The following RBBP4 variants were observed in gnomAD, a reference collection of about 807,000 sequenced individuals.
The protein encoded by RBBP4 is RB binding protein 4, chromatin remodeling factor, also known as histone-binding protein RBBP4.
RBBP4 carries 3 observed loss-of-function variants against 57.2 expected under a neutral mutation model. That is an observed-to-expected ratio of 0.05 (90% CI 0.02 to 0.14). The LOEUF is 0.14. Ranked by LOEUF, RBBP4 falls within the 10% of genes least tolerant of loss-of-function variation. RBBP4 has a pLI of 1.00. For missense variants in RBBP4, 107 were observed against 520.6 expected, an observed-to-expected ratio of 0.21 and a Z score of 7.73; for synonymous variants, 151 against 171.5, an observed-to-expected ratio of 0.88 and a Z score of 0.93.
chr1:32,651,505 G>T (rs1647643888), intron 1 of RBBP4, 183 bp downstream of exon 1: 2 of 1,345,370 alleles, frequency 1.5e-6, no homozygotes, highest in Non-Finnish European at 1.9e-6. Flanking sequence ...GACCGATTTC[G>T]GTCGCAGCTG....
In RBBP4 at chr1:32,663,998, C is replaced by CA. The variant is rs1206123774; in HGVS notation, c.311-4227_311-4226insA. 4.8e-4 allele frequency among the ~76,000 whole-genome samples: 73 copies of CA among 150,698 alleles called. 1 individual carries two copies. The highest frequency in any genetic ancestry group is 1.8e-3 in the African/African-American group (72 of 40,978). On this transcript the variant is annotated intron_variant, in intron 3 of 11. Transcript: ENST00000373493. ...CTGGTATGCAGTGGCGCGATCTCGG[C>CA]CCACTGCAAGCTCCGCCTCCTGGGT...
chr1:32,674,590 T>G (rs1242707349), intron 11 of RBBP4, among the ~76,000 whole-genome samples: 2 of 151,236 alleles, frequency 1.3e-5, no homozygotes, highest in Non-Finnish European at 2.9e-5. Flanking sequence ...AGGAAAAGAA[T>G]TCAGAAGAAA....
In RBBP4 at chr1:32,665,583, C is replaced by G. The variant is rs551794145; in HGVS notation, c.311-2642C>G. Among the ~76,000 whole-genome samples, 17 of 150,340 alleles carry G rather than the reference C, an allele frequency of 1.1e-4. No individual in the cohort carries two copies. The South Asian group carries it at 3.6e-3, about 32-fold the overall frequency. ...GTCCCAGCTACTCAGGGGGCTGAGGCAGGAGAATCGCTTGAACCCAGGAGG... is the reference window on the plus strand; with the variant it reads ...GTCCCAGCTACTCAGGGGGCTGAGGGAGGAGAATCGCTTGAACCCAGGAGG... On this transcript the variant is annotated intron_variant, in intron 3 of 11. Coordinates refer to ENST00000373493, the MANE Select transcript of RBBP4 (RefSeq NM_005610.3).
intron 8 of RBBP4, among the ~76,000 whole-genome samples, 178 bp from the exon 9 acceptor site, chr1:32,672,272 A>G (rs949109459): frequency 6.6e-6 from 1 of 152,070 alleles, no homozygotes; most frequent in African/African-American, 2.4e-5. Flanking sequence ...GTGTGAGCCA[A>G]CCGCGCCTGC....
rs550829330 is a variant in RBBP4, at chr1:32,651,813, C to T, written c.17-101C>T. On this transcript the variant is annotated intron_variant, in intron 1 of 11. Transcript: ENST00000373493. ...CCGTGGGGATTTAGACAAATCACCT[C>T]CATTTCATGGTTAGGCTGTAGGAGT... 4.5e-6 allele frequency: 6 copies of T among 1,330,268 alleles called. No individual in the cohort carries two copies. The South Asian group carries it at 8.3e-5, about 18-fold the overall frequency. The allele number at this position is 1,330,268 out of a possible 1,614,324, so 82.4% of individuals were successfully genotyped here.
intron 11 of RBBP4, among the ~76,000 whole-genome samples, chr1:32,677,529 G>A (rs1268864164): frequency 1.3e-5 from 2 of 151,898 alleles, no homozygotes; most frequent in Non-Finnish European, 2.9e-5. Flanking sequence ...AGCTTTCTTG[G>A]GTTCTGTGAG....
intron 11 of RBBP4, among the ~76,000 whole-genome samples, chr1:32,678,673 A>G (rs1649234183): frequency 7.9e-6 from 1 of 127,288 alleles, no homozygotes. Flanking sequence ...CACTACAACC[A>G]CCACCTCCCA....
At chr1:32,656,728 C>T (rs1412457196) in intron 2 of RBBP4, among the ~76,000 whole-genome samples, 3 of 152,128 alleles carry the variant, frequency 2.0e-5, no homozygotes, top group Non-Finnish European at 4.4e-5. Flanking sequence ...GCGATGTGTC[C>T]ATTGATAGGC....
rs193239058 is a variant in RBBP4, at chr1:32,672,161, T to C, written c.967-289T>C. Reference sequence around the variant, plus strand: ...CCTGCCACCACACCCAGCTAATTTTTGTATTTTTAGTAGAGACAGTGTTTC... The same window carrying C: ...CCTGCCACCACACCCAGCTAATTTTCGTATTTTTAGTAGAGACAGTGTTTC... On this transcript the variant is annotated intron_variant, in intron 8 of 11. Coordinates refer to ENST00000373493, the MANE Select transcript of RBBP4 (RefSeq NM_005610.3). Among the ~76,000 whole-genome samples, 809 of 152,040 alleles carry C rather than the reference T, an allele frequency of 5.3e-3. 5 individuals are homozygous for C. Among genetic ancestry groups the C allele is most frequent in the Admixed American group, 7.8e-3 (119 of 15,272 alleles).
In RBBP4 at chr1:32,668,974, C is replaced by T. The variant is rs764203653; in HGVS notation, c.603C>T (p.Thr201=). 8.1e-6 allele frequency: 13 copies of T among 1,613,870 alleles called. No homozygotes were observed. In the African/African-American group the frequency reaches 1.3e-4, roughly 17 times the overall value. The part of the protein sequence containing the change: ...GHLLSASDDH[T]ICLWDISAVP... ...TAATGGTTAATTTTACATTTAAGAC[C>T]ATCTGCCTGTGGGACATCAGTGCCG... The change falls in exon 6 of 12, where the codon ACC becomes ACT. Residue 201 remains threonine (T), a splice_region_variant and synonymous_variant. Coordinates refer to ENST00000373493, the MANE Select transcript of RBBP4 (RefSeq NM_005610.3).
intron 2 of RBBP4, among the ~76,000 whole-genome samples, chr1:32,656,536 G>A (rs759340123): frequency 2.0e-5 from 3 of 152,128 alleles, no homozygotes; most frequent in Non-Finnish European, 4.4e-5. Flanking sequence ...ATTTTTAGTA[G>A]AGACCGGGTT....
At position 32,668,999 on chromosome 1, in the gene RBBP4, G is replaced by A. The variant is rs34196891; in HGVS notation, c.628G>A (p.Val210Ile). 92 of 1,614,080 alleles carry A rather than the reference G, an allele frequency of 5.7e-5. 1 individual carries two copies. In the East Asian group the frequency reaches 1.5e-3, roughly 26 times the overall value. ...HTICLWDISA[V>I]PKEGKVVDAK... Reference sequence around the variant, plus strand: ...CATCTGCCTGTGGGACATCAGTGCCGTTCCAAAGGAGGGAAAAGTGGTAGA... The same window carrying A: ...CATCTGCCTGTGGGACATCAGTGCCATTCCAAAGGAGGGAAAAGTGGTAGA... Residue 210 changes from valine to isoleucine, a missense_variant, in exon 6 of 12, where the codon GTT becomes ATT. Physicochemically the swap from Val to Ile is conservative, Grantham distance 29. Transcript: ENST00000373493.
chr1:32,672,859 T>C lies in RBBP4; in HGVS notation c.1170T>C (p.Ile390=), dbSNP rs1174599878. The change falls in exon 11 of 12, where the codon ATT becomes ATC. Residue 390 remains isoleucine, a synonymous_variant. Transcript: ENST00000373493. ...FSWNPNEPWV[I]CSVSEDNIMQ... The stretch of plus-strand genomic sequence containing the variant: ...GGAATCCCAATGAACCTTGGGTGAT[T>C]TGTTCTGTATCAGAAGACAATATCA... The C allele has an allele frequency of 1.9e-6, 3 of 1,613,610 alleles. No individual in the cohort carries two copies. The South Asian group carries it at 3.3e-5, about 18-fold the overall frequency.
Position 32,683,973 on chromosome 1 carries a change from A to G in RBBP4, c.*4268A>G. ...AATTAGTATTGTTAGGAAAGCAGTA[A>G]CAATGCAAACACCACTCTTCTCTTC... On this transcript the variant is annotated 3_prime_UTR_variant, in exon 12 of 12. Transcript: ENST00000373493. 1 of 1,595,318 alleles carries G rather than the reference A, an allele frequency of 6.3e-7. No homozygotes were observed. The highest frequency in any genetic ancestry group is 8.6e-7 in the Non-Finnish European group (1 of 1,163,514).
At chr1:32,677,427 G>A (rs918843209) in intron 11 of RBBP4, among the ~76,000 whole-genome samples, 73 of 150,788 alleles carry the variant, frequency 4.8e-4, no homozygotes, top group African/African-American at 1.7e-3. Flanking sequence ...CCACCTTGCC[G>A]TATGCATCTC....
intron 2 of RBBP4, among the ~76,000 whole-genome samples, chr1:32,656,391 C>T (rs952454899): frequency 6.6e-6 from 1 of 151,832 alleles, no homozygotes; most frequent in African/African-American, 2.4e-5. Context: ...CTTGCTCTTT[C>T]GCCCAGGCTG....
At position 32,669,433 on chromosome 1, in the gene RBBP4, T is replaced by G; in HGVS notation, c.889-53T>G. On this transcript the variant is annotated intron_variant, in intron 7 of 11. Transcript: ENST00000373493. This position sits in a 1 kb window ranked among gnomAD's most constrained non-coding sequence, Gnocchi z 4.9. ...AATTGCAGAGATATTTTACTTACAG[T>G]ATTTTTTTTTTCTTAAAAAATTGAT... The G allele has an allele frequency of 6.4e-7, 1 of 1,567,240 alleles. No individual in the cohort carries two copies. Among genetic ancestry groups the G allele is most frequent in the Non-Finnish European group, 8.6e-7 (1 of 1,164,370 alleles).
At chr1:32,673,274 C>T (rs1021121844) in intron 11 of RBBP4, among the ~76,000 whole-genome samples, 4 of 152,108 alleles carry the variant, frequency 2.6e-5, no homozygotes, top group Non-Finnish European at 4.4e-5. Flanking sequence ...CATCTATCTG[C>T]GGTGTTTCTC....
At chr1:32,653,673 T>TTTTTC (rs1243249068) in intron 2 of RBBP4, among the ~76,000 whole-genome samples, 1 of 124,426 alleles carries the variant, frequency 8.0e-6, no homozygotes, top group Non-Finnish European at 1.6e-5. Context: ...TTTGTTTTTT[T>TTTTTC]TTTTGAGACG....
Sources: allele counts gnomAD v4.1 joint callset (sites outside exome capture counted in the v4.1 genomes callset), GRCh38; gene constraint gnomAD v4.1.1; non-coding constraint Gnocchi (gnomAD v3.1); transcripts MANE v1.5; gene names NCBI Gene and HGNC (gene_info 2026-07-23, HGNC 2026-07-21).